The following P3H2 variants were observed in gnomAD, a reference collection of about 807,000 sequenced individuals.
The protein encoded by P3H2 is prolyl 3-hydroxylase 2, also known as leprecan-like 1.
Under a neutral mutation model 87.0 loss-of-function variants are expected in P3H2, and 80 were observed. That is an observed-to-expected ratio of 0.92 (90% confidence interval 0.77 to 1.11). The LOEUF (loss-of-function observed/expected upper bound fraction) is 1.11. Among genes scored for constraint, P3H2 ranks in the 50% least tolerant of loss-of-function variants. The pLI is 0.00. For synonymous variants in P3H2, 367 were observed against 359.3 expected (o/e 1.02, Z -0.24); for missense variants, 1,001 against 923.9 (o/e 1.08, Z -1.08).
chr3:190,120,034 A>G (rs932738891), intron 1 of P3H2, among the ~76,000 whole-genome samples: 1 of 152,222 alleles, frequency 6.6e-6, no homozygotes, highest in Non-Finnish European at 1.5e-5. Context: ...TTGAGAGAGA[A>G]GCTGGCTCTG....
At chr3:190,103,526 A>T (rs1711716786) in intron 1 of P3H2, among the ~76,000 whole-genome samples, 1 of 152,206 alleles carries the variant, frequency 6.6e-6, no homozygotes, top group Non-Finnish European at 1.5e-5. Context: ...GTGGACCAGG[A>T]TGATCAAATC....
chr3:190,014,456 G>A (rs181642430), intron 1 of P3H2, among the ~76,000 whole-genome samples: 11 of 152,294 alleles, frequency 7.2e-5, no homozygotes, highest in African/African-American at 2.6e-4. Flanking sequence ...AGGTGAAAAG[G>A]TTATCTTCTA....
intron 1 of P3H2, among the ~76,000 whole-genome samples, chr3:190,063,459 C>T (rs1726397316): frequency 1.3e-5 from 2 of 152,266 alleles, no homozygotes; most frequent in African/African-American, 4.8e-5. Flanking sequence ...ATAGGACAAC[C>T]ACATCAGACA....
At chr3:190,105,799 C>T (rs1711809762) in intron 1 of P3H2, among the ~76,000 whole-genome samples, 1 of 152,164 alleles carries the variant, frequency 6.6e-6, no homozygotes, top group Non-Finnish European at 1.5e-5. Context: ...TATTAAGTAA[C>T]TGGCCCAATG....
chr3:189,967,394 T>C (rs2108905425), intron 13 of P3H2, among the ~76,000 whole-genome samples: 1 of 149,510 alleles, frequency 6.7e-6, no homozygotes, highest in South Asian at 2.2e-4. Context: ...TAACTTGACA[T>C]TCAAAAATTA....
chr3:190,063,229 G>A (rs1726388175), intron 1 of P3H2, among the ~76,000 whole-genome samples: 1 of 152,112 alleles, frequency 6.6e-6, no homozygotes, highest in Admixed American at 6.6e-5. Context: ...GTTAGTGCTG[G>A]AGTCTGCAGA....
At chr3:190,119,292 A>G (rs1261994504) in intron 1 of P3H2, among the ~76,000 whole-genome samples, 2 of 151,964 alleles carry the variant, frequency 1.3e-5, no homozygotes, top group East Asian at 3.9e-4. Flanking sequence ...ACCAACCCCA[A>G]AGCTTCCACT....
intron 2 of P3H2, among the ~76,000 whole-genome samples, chr3:189,994,838 G>A (rs1049979081): frequency 1.3e-5 from 2 of 151,544 alleles, no homozygotes; most frequent in Non-Finnish European, 2.9e-5. Context: ...TAAAACCCCA[G>A]TTTGAAACAT....
At chr3:190,084,443 T>C (rs1328748864) in intron 1 of P3H2, among the ~76,000 whole-genome samples, 1 of 152,208 alleles carries the variant, frequency 6.6e-6, no homozygotes, top group Admixed American at 6.5e-5. Context: ...CTCCATCTCT[T>C]GGCCAGAAGA....
At chr3:190,041,305 A>T (rs28378209) in intron 1 of P3H2, among the ~76,000 whole-genome samples, 3,261 of 143,978 alleles carry the variant, frequency 0.023, 126 homozygotes, top group African/African-American at 0.079. Flanking sequence ...AAAGCACTAA[A>T]ATTTGTGTTT....
chr3:189,963,507 C>G, intron 14 of P3H2: 1 of 183,082 alleles, frequency 5.5e-6, no homozygotes, highest in Non-Finnish European at 1.2e-5. Flanking sequence ...TGCAGTGGTG[C>G]GATCTCGGCT....
chr3:189,990,788 T>C (rs1238475224), intron 3 of P3H2, among the ~76,000 whole-genome samples: 2 of 152,246 alleles, frequency 1.3e-5, no homozygotes, highest in African/African-American at 2.4e-5. Context: ...GCCTCCTTTC[T>C]ATCTTAAATG....
intron 1 of P3H2, among the ~76,000 whole-genome samples, chr3:190,003,825 G>A (rs1397379579): frequency 1.3e-5 from 2 of 152,222 alleles, no homozygotes; most frequent in East Asian, 3.8e-4. Flanking sequence ...CTCCCTTGAG[G>A]TGTCAGATGA....
At chr3:189,973,111 T>G (rs1213394987) in intron 10 of P3H2, 87 bp from the exon 11 acceptor site, 1 of 1,228,266 alleles carries the variant, frequency 8.1e-7, no homozygotes, top group Non-Finnish European at 1.2e-6. Context: ...TGAGCCAATA[T>G]AGGATTGTCA....
intron 3 of P3H2, among the ~76,000 whole-genome samples, chr3:189,989,326 C>T (rs1420845077): frequency 6.6e-6 from 1 of 152,166 alleles, no homozygotes; most frequent in Non-Finnish European, 1.5e-5. Flanking sequence ...TTATACCCCA[C>T]AGTCCACTTT....
chr3:189,978,320 C>G (rs1278607923), intron 8 of P3H2, among the ~76,000 whole-genome samples: 4 of 152,092 alleles, frequency 2.6e-5, no homozygotes, highest in Non-Finnish European at 5.9e-5. Flanking sequence ...AAAATGTCTA[C>G]CAGTCTTAAG....
chr3:190,046,637 TA>T (rs548408680), intron 1 of P3H2, among the ~76,000 whole-genome samples: 122,734 of 151,538 alleles, frequency 0.81, 49,851 homozygotes, highest in East Asian at 0.88. Context: ...CACAATCAGA[TA>T]TAGATTTAAG....
chr3:190,098,536 G>C (rs927201064), intron 1 of P3H2, among the ~76,000 whole-genome samples: 2 of 152,118 alleles, frequency 1.3e-5, no homozygotes, highest in Non-Finnish European at 2.9e-5. Flanking sequence ...CTTACAATAA[G>C]CTGTTACTAT....
chr3:190,059,922 G>C (rs565139464), intron 1 of P3H2, among the ~76,000 whole-genome samples: 26 of 152,208 alleles, frequency 1.7e-4, no homozygotes, highest in African/African-American at 6.3e-4. Context: ...AGTGTGTTAC[G>C]CTGGGAAACT....
Sources: gnomAD v4.1 joint callset for allele counts (sites outside exome capture counted in the v4.1 genomes callset) on GRCh38, gnomAD v4.1.1 for gene constraint, MANE v1.5 for transcripts, NCBI Gene and HGNC (gene_info 2026-07-23, HGNC 2026-07-21) for gene names.